CCDC175: variants seen among roughly 807,000 people sequenced by gnomAD.
CCDC175 encodes coiled-coil domain containing 175, also known as coiled-coil domain-containing protein 175.
CCDC175 carries 100 observed loss-of-function variants against 114.6 expected under a neutral mutation model. The ratio of observed to expected loss-of-function variants is 0.87; its 90% CI spans 0.74 to 1.03. The LOEUF is 1.03. Ranked by LOEUF, CCDC175 falls within the 50% of genes least tolerant of loss-of-function variation. The pLI is 0.00. For missense variants in CCDC175, 880 were observed against 917.8 expected (o/e 0.96, Z 0.53); for synonymous variants, 306 against 308.7 (o/e 0.99, Z 0.09).
intron 15 of CCDC175, 145 bp downstream of exon 15, chr14:59,526,950 A>G (rs1893779378): frequency 3.8e-6 from 2 of 524,796 alleles, no homozygotes; most frequent in Admixed American, 7.7e-5. Context: ...GTGTTATAAC[A>G]AAGATTGTTA....
Position 59,538,076 on chromosome 14 carries a change from T to C in CCDC175, c.1570A>G (p.Lys524Glu). The change falls in exon 13 of 20, where the codon AAA becomes GAA. Residue 524 changes from lysine to glutamate, a missense_variant. Transcript: ENST00000537690. Reference sequence around the variant, plus strand: ...ATTTTTTCTTTGTTAACAAATGCTTTCTCCTCTTCTTTTAATTCTGTTGTA... The same window carrying C: ...ATTTTTTCTTTGTTAACAAATGCTTCCTCCTCTTCTTTTAATTCTGTTGTA... ...KLTTELKEEE[K>E]AFVNKEKMLM... is the part of the protein sequence containing the mutation. The C allele has an allele frequency of 4.6e-6, 7 of 1,532,014 alleles. No individual in the cohort carries two copies. The highest frequency in any genetic ancestry group is 5.3e-6 in the Non-Finnish European group (6 of 1,142,366). 94.9% of individuals were successfully genotyped at this position (1,532,014 alleles called of 1,614,324 possible).
intron 16 of CCDC175, among the ~76,000 whole-genome samples, chr14:59,522,355 G>A (rs555116133): frequency 5.9e-5 from 9 of 152,326 alleles, no homozygotes; most frequent in Non-Finnish European, 1.3e-4. Flanking sequence ...ACATGGGACT[G>A]TTACGTAGAC....
At chr14:59,560,656 C>A (rs1408155183) in intron 7 of CCDC175, among the ~76,000 whole-genome samples, 1 of 152,116 alleles carries the variant, frequency 6.6e-6, no homozygotes, top group Non-Finnish European at 1.5e-5. Flanking sequence ...TGGAAGACCT[C>A]CTTCAGTTTC....
Position 59,565,123 on chromosome 14 carries a change from C to A in CCDC175, c.644G>T (p.Cys215Phe). The part of the protein sequence containing the change: ...KREDIALQKK[C>F]IQEAEELMEK... ...CATTAGCTCCTCTGCCTCTTGAATA[C>A]ATTTTTTTTGCAATGCTATGTCTTC... is the stretch of plus-strand genomic sequence containing the variant. The change falls in exon 5 of 20, where the codon TGT (cysteine) becomes TTT (phenylalanine). Residue 215 changes from cysteine (C) to phenylalanine (F), a missense_variant. Cys to Phe is a radical substitution (Grantham distance 205, BLOSUM62 -2). Transcript: ENST00000537690. 1 of 1,537,792 alleles carries A rather than the reference C, an allele frequency of 6.5e-7. No homozygotes were observed.
chr14:59,561,044 CAT>C (rs1380502016), intron 7 of CCDC175, 73 bp downstream of exon 7: 7 of 650,880 alleles, frequency 1.1e-5, no homozygotes, highest in African/African-American at 9.3e-5. Context: ...AAAATGAAAA[CAT>C]AGCATATTAA....
chr14:59,568,363 G>C lies in CCDC175; in HGVS notation c.373C>G (p.Arg125Gly). 1.3e-6 allele frequency: 2 copies of C among 1,525,318 alleles called. No individual in the cohort carries two copies. Among genetic ancestry groups the C allele is most frequent in the South Asian group, 2.5e-5 (2 of 81,440 alleles). 94.5% of individuals were successfully genotyped at this position (1,525,318 alleles called of 1,614,324 possible). The stretch of plus-strand genomic sequence containing the variant: ...TTTATCTCAAAAAGATTTAATCTGC[G>C]AGCGTCTCGGACACATTCTTCAAAG... ...RELEECVRDA[R>G]RLNLFEINTI... Residue 125 changes from arginine (R) to glycine (G), a missense_variant, in exon 4 of 20, where the codon CGC becomes GGC. Arg to Gly is a moderately radical substitution (Grantham distance 125). Transcript: ENST00000537690.
chr14:59,526,253 T>A (rs986334), intron 15 of CCDC175, among the ~76,000 whole-genome samples: 65,209 of 151,924 alleles, frequency 0.43, 14,507 homozygotes, highest in African/African-American at 0.53. Flanking sequence ...ACACTATACT[T>A]GTAATTTTCT....
At chr14:59,555,994 T>C (rs1435851437) in intron 7 of CCDC175, among the ~76,000 whole-genome samples, 2 of 152,226 alleles carry the variant, frequency 1.3e-5, no homozygotes, top group Non-Finnish European at 2.9e-5. Flanking sequence ...GAACATTCCA[T>C]GCTCATGGAT....
At chr14:59,524,717 A>G (rs761889110) in intron 16 of CCDC175, among the ~76,000 whole-genome samples, 1 of 152,188 alleles carries the variant, frequency 6.6e-6, no homozygotes, top group Non-Finnish European at 1.5e-5. Context: ...TGAGATGTAC[A>G]CTCAACAGAA....
intron 8 of CCDC175, among the ~76,000 whole-genome samples, chr14:59,550,083 T>A (rs1476156200): frequency 1.3e-5 from 2 of 152,088 alleles, no homozygotes; most frequent in Admixed American, 6.5e-5. Flanking sequence ...GCTAATTTTT[T>A]ATTTTTGTAG....
At chr14:59,515,949 G>T (rs528706610) in intron 17 of CCDC175, among the ~76,000 whole-genome samples, 1 of 152,170 alleles carries the variant, frequency 6.6e-6, no homozygotes, top group African/African-American at 2.4e-5. Context: ...TAAAAGAACA[G>T]AAATTATAAC....
chr14:59,552,487 C>T (rs1275690915), intron 7 of CCDC175, among the ~76,000 whole-genome samples: 1 of 152,096 alleles, frequency 6.6e-6, no homozygotes, highest in Non-Finnish European at 1.5e-5. Context: ...TCATCATAGA[C>T]CAAAGGTAGA....
At chr14:59,572,145 C>G (rs1237095126) in intron 3 of CCDC175, among the ~76,000 whole-genome samples, 1 of 152,134 alleles carries the variant, frequency 6.6e-6, no homozygotes, top group Admixed American at 6.5e-5. Context: ...ATGTTCATAA[C>G]AGCATTATTC....
rs1892260712 is a variant in CCDC175 at position 59,505,196 on chromosome 14, G to A, written c.*43C>T. 1.9e-6 allele frequency: 2 copies of A among 1,050,178 alleles called. No individual in the cohort carries two copies. Among genetic ancestry groups the A allele is most frequent in the Admixed American group, 5.2e-5 (2 of 38,450 alleles). The allele number at this position is 1,050,178 out of a possible 1,614,324, so 65.1% of individuals were successfully genotyped here. A position where few individuals can be genotyped will look rare whatever the true frequency, so the allele number is the denominator to read the frequency against. ...GAAAGTAAGTGCACTCACTTTTCCTGTAGTAGTCTGTCTTTTGAATTCACA... is the reference window on the plus strand; with the variant it reads ...GAAAGTAAGTGCACTCACTTTTCCTATAGTAGTCTGTCTTTTGAATTCACA... On this transcript the variant is annotated 3_prime_UTR_variant, in exon 20 of 20. Transcript: ENST00000537690.
rs35273647 is a variant in CCDC175, at chr14:59,575,031, GA to G, written c.158-4del. ...ATAGTCACTTTGCAGTGATTGTTCTGAAAAAAAAATTAGAAAATAAAGATCT... is the reference window on the plus strand; with the variant it reads ...ATAGTCACTTTGCAGTGATTGTTCTGAAAAAAAATTAGAAAATAAAGATCT... On this transcript the variant is annotated splice_polypyrimidine_tract_variant and splice_region_variant and intron_variant, in intron 1 of 19. Coordinates refer to ENST00000537690, the MANE Select transcript of CCDC175 (RefSeq NM_001164399.2). The G allele has an allele frequency of 7.2e-5, 99 of 1,382,130 alleles. No individual in the cohort carries two copies. The highest frequency in any genetic ancestry group is 2.0e-4 in the Middle Eastern group (1 of 5,044). The allele number at this position is 1,382,130 out of a possible 1,614,324, so 85.6% of individuals were successfully genotyped here. A position where few individuals can be genotyped will look rare whatever the true frequency, so the allele number is the denominator to read the frequency against.
At chr14:59,510,972 C>T (rs1892704205) in intron 18 of CCDC175, among the ~76,000 whole-genome samples, 164 bp from the exon 19 acceptor site, 1 of 152,172 alleles carries the variant, frequency 6.6e-6, no homozygotes, top group Admixed American at 6.5e-5. Context: ...AAGTTCTGTA[C>T]ATAATCTTGG....
intron 1 of CCDC175, among the ~76,000 whole-genome samples, chr14:59,576,418 G>A (rs1897123476): frequency 6.6e-6 from 1 of 152,306 alleles, no homozygotes; most frequent in East Asian, 1.9e-4. Flanking sequence ...CACCTCAGCT[G>A]CGCTAGGGCA....
chr14:59,535,373 C>G (rs1344852839), intron 13 of CCDC175, among the ~76,000 whole-genome samples: 1 of 152,148 alleles, frequency 6.6e-6, no homozygotes, highest in Non-Finnish European at 1.5e-5. Context: ...TTTTATGTAT[C>G]TTGCCTAATT....
At chr14:59,515,236 G>A (rs1488106187) in intron 17 of CCDC175, among the ~76,000 whole-genome samples, 5 of 152,060 alleles carry the variant, frequency 3.3e-5, no homozygotes, top group Non-Finnish European at 5.9e-5. Flanking sequence ...AGACCATTGA[G>A]GCTAGGAAGA....
Sources: gnomAD v4.1 joint callset for allele counts (sites outside exome capture counted in the v4.1 genomes callset) on GRCh38, gnomAD v4.1.1 for gene constraint, MANE v1.5 for transcripts, NCBI Gene and HGNC (gene_info 2026-07-23, HGNC 2026-07-21) for gene names.